The following CELF1 variants were observed in gnomAD, a reference collection of about 807,000 sequenced individuals.
The protein encoded by CELF1 is 50 kDa nuclear polyadenylated RNA-binding protein.
CELF1 carries 10 observed loss-of-function variants against 61.8 expected under a neutral mutation model. The ratio of observed to expected loss-of-function variants is 0.16; its 90% CI spans 0.10 to 0.27. CELF1 has a LOEUF of 0.27. Ranked by LOEUF, CELF1 falls within the 10% of genes least tolerant of loss-of-function variation. CELF1 has a pLI of 1.00. For synonymous variants in CELF1, 236 were observed against 225.1 expected, an observed-to-expected ratio of 1.05 and a Z score of -0.43; for missense variants, 380 against 639.1, an observed-to-expected ratio of 0.59 and a Z score of 4.37.
chr11:47,486,494 C>G (rs1453629843), intron 6 of CELF1, among the ~76,000 whole-genome samples: 1 of 151,856 alleles, frequency 6.6e-6, no homozygotes, highest in African/African-American at 2.4e-5. Context: ...ATTGCAACCT[C>G]CGCCTCCCGG....
At position 47,547,088 on chromosome 11, in the gene CELF1, A is replaced by AG. The variant is rs1462810163; in HGVS notation, c.-154+5903_-154+5904insC. ...CTCAAAAAAAAAAAAAAAAAAAAAA[A>AG]AAAAAGAAAGAAAGAAAATGCTGTA... On this transcript the variant is annotated intron_variant, in intron 1 of 14. Transcript: ENST00000687097. 3.3e-3 allele frequency among the ~76,000 whole-genome samples: 490 copies of AG among 149,620 alleles called. 8 individuals carry two copies. The highest frequency in any genetic ancestry group is 0.012 in the African/African-American group (475 of 40,586).
chr11:47,540,314 G>T (rs1224781339), intron 1 of CELF1, among the ~76,000 whole-genome samples: 1 of 152,170 alleles, frequency 6.6e-6, no homozygotes, highest in Non-Finnish European at 1.5e-5. Flanking sequence ...TCCTAAACAC[G>T]AAATGTGATG....
At chr11:47,522,100 A>G (rs761940176) in intron 1 of CELF1, among the ~76,000 whole-genome samples, 15 of 152,002 alleles carry the variant, frequency 9.9e-5, no homozygotes, top group Non-Finnish European at 2.1e-4. Context: ...TTTAGTAGAC[A>G]CGGGGTTTCT....
intron 1 of CELF1, among the ~76,000 whole-genome samples, chr11:47,521,321 A>C (rs1172092301): frequency 6.6e-6 from 1 of 152,096 alleles, no homozygotes; most frequent in African/African-American, 2.4e-5. Flanking sequence ...AACCAAAATC[A>C]TATAGTTATT....
intron 12 of CELF1, among the ~76,000 whole-genome samples, chr11:47,476,094 G>A (rs2080003787): frequency 6.6e-6 from 1 of 151,308 alleles, no homozygotes; most frequent in South Asian, 2.1e-4. Context: ...CAAGCTCCCA[G>A]GCTCAAGCAA....
chr11:47,473,627 A>G (rs954997364), intron 13 of CELF1, among the ~76,000 whole-genome samples: 3 of 152,224 alleles, frequency 2.0e-5, no homozygotes, highest in Non-Finnish European at 2.9e-5. Flanking sequence ...CCACAGGGAC[A>G]GCAAACAGAT....
intron 3 of CELF1, among the ~76,000 whole-genome samples, chr11:47,490,307 T>G (rs1349025659): frequency 6.6e-6 from 1 of 152,126 alleles, no homozygotes; most frequent in African/African-American, 2.4e-5. Flanking sequence ...ATCTAAACCA[T>G]TAATAACTTA....
chr11:47,490,678 G>A (rs531632308), intron 3 of CELF1, among the ~76,000 whole-genome samples: 71 of 150,414 alleles, frequency 4.7e-4, no homozygotes, highest in Non-Finnish European at 8.7e-4. Context: ...TGCCCACCTC[G>A]GTCTCCCAAA....
intron 7 of CELF1, 52 bp downstream of exon 7, chr11:47,484,332 CCCAAA>C (rs2085322735): frequency 6.4e-7 from 1 of 1,571,666 alleles, no homozygotes; most frequent in Admixed American, 2.0e-5. Flanking sequence ...AAAAAAAAAC[CCCAAA>C]CCAAACCAAA....
chr11:47,482,978 A>T (rs1288928900), intron 8 of CELF1, 122 bp from the exon 9 acceptor site: 1 of 867,986 alleles, frequency 1.2e-6, no homozygotes, highest in African/African-American at 1.7e-5. Flanking sequence ...GATTCTCCTC[A>T]TGATAGACAC....
At chr11:47,519,964 T>C (rs528637765) in intron 1 of CELF1, among the ~76,000 whole-genome samples, 38 of 151,690 alleles carry the variant, frequency 2.5e-4, no homozygotes, top group African/African-American at 8.5e-4. Flanking sequence ...TTCCACAAAA[T>C]TTAACTTGTC....
At chr11:47,558,715 A>T (rs1432766642) in intron 2 of CELF1, among the ~76,000 whole-genome samples, 1 of 97,874 alleles carries the variant, frequency 1.0e-5, no homozygotes, top group African/African-American at 4.6e-5. Context: ...AATATATAAT[A>T]TTATGACATA....
At chr11:47,483,914 G>A (rs2084977457) in intron 7 of CELF1, among the ~76,000 whole-genome samples, 1 of 152,198 alleles carries the variant, frequency 6.6e-6, no homozygotes, top group South Asian at 2.1e-4. Flanking sequence ...CAAAAAGAAT[G>A]AACTGATAGG....
intron 13 of CELF1, 66 bp downstream of exon 13, chr11:47,475,270 C>T: frequency 6.6e-7 from 1 of 1,512,694 alleles, no homozygotes; most frequent in South Asian, 1.2e-5. Flanking sequence ...TTTGCTCTGC[C>T]TTTCCGTTCT....
At chr11:47,532,497 A>G (rs2096509806) in intron 1 of CELF1, among the ~76,000 whole-genome samples, 1 of 152,232 alleles carries the variant, frequency 6.6e-6, no homozygotes, top group South Asian at 2.1e-4. Context: ...TGTAGAAGGG[A>G]TTCCTTCCAT....
At chr11:47,484,270 G>A (rs2085275642) in intron 7 of CELF1, 119 bp downstream of exon 7, 3 of 1,033,674 alleles carry the variant, frequency 2.9e-6, no homozygotes, top group South Asian at 3.0e-5. Context: ...AGTTGTGAAG[G>A]CACCACTGCA....
intron 1 of CELF1, among the ~76,000 whole-genome samples, chr11:47,525,940 CAAA>C (rs11292279): frequency 2.0e-5 from 3 of 146,404 alleles, no homozygotes; most frequent in African/African-American, 5.0e-5. Flanking sequence ...AAAAAACAAA[CAAA>C]AAAAAAAAAG....
intron 1 of CELF1, among the ~76,000 whole-genome samples, chr11:47,515,356 C>T (rs918297669): frequency 6.6e-6 from 1 of 152,174 alleles, no homozygotes; most frequent in Non-Finnish European, 1.5e-5. Flanking sequence ...CTAATTCAAA[C>T]CCAAAGGCTC....
chr11:47,493,339 T>TAA (rs11458910), intron 3 of CELF1, among the ~76,000 whole-genome samples: 1,430 of 127,936 alleles, frequency 0.011, 19 homozygotes, highest in African/African-American at 0.02. Flanking sequence ...CGTCCCTACT[T>TAA]AAAAAAAAAA....
Sources: allele counts gnomAD v4.1 joint callset (sites outside exome capture counted in the v4.1 genomes callset), GRCh38; gene constraint gnomAD v4.1.1; transcripts MANE v1.5; gene names NCBI Gene and HGNC (gene_info 2026-07-23, HGNC 2026-07-21).